Variants in RAB23 observed in about 807,000 individuals in gnomAD.
The protein encoded by RAB23 is ras-related protein Rab-23.
Under a neutral mutation model 30.0 loss-of-function variants are expected in RAB23, and 15 were observed. That is an observed-to-expected ratio of 0.50 (90% CI 0.33 to 0.77). The LOEUF (loss-of-function observed/expected upper bound fraction) is 0.77. RAB23 is among the 30% of genes least tolerant of loss of function. The probability of loss-of-function intolerance (pLI) is 0.02; values close to 1 mark genes in which losing one functional copy is unlikely to be tolerated. For missense variants in RAB23, 243 were observed against 275.4 expected (o/e 0.88, Z 0.83); for synonymous variants, 93 against 94.0 (o/e 0.99, Z 0.06).
chr6:57,199,759 G>A (rs530541693), intron 3 of RAB23, among the ~76,000 whole-genome samples: 1 of 152,130 alleles, frequency 6.6e-6, no homozygotes, highest in East Asian at 1.9e-4. Context: ...GCACCACCTT[G>A]TCTGATTTAA....
intron 1 of RAB23, among the ~76,000 whole-genome samples, chr6:57,221,122 A>G (rs939228217): frequency 1.3e-5 from 2 of 152,232 alleles, no homozygotes; most frequent in African/African-American, 2.4e-5. Flanking sequence ...GAGTTAACTC[A>G]CTAATCAAAA....
In RAB23 at chr6:57,189,724, T is replaced by C. The variant is rs894053143; in HGVS notation, c.*737A>G. 4 of 152,810 alleles carry C rather than the reference T, an allele frequency of 2.6e-5. No individual in the cohort carries two copies. The highest frequency in any genetic ancestry group is 2.1e-4 in the South Asian group (1 of 4,830). The allele number at this position is 152,810 out of a possible 1,614,324, so 9.5% of individuals were successfully genotyped here. A position where few individuals can be genotyped will look rare whatever the true frequency, so the allele number is the denominator to read the frequency against. On this transcript the variant is annotated 3_prime_UTR_variant, in exon 7 of 7. Transcript: ENST00000468148. ...TATAAATTCTGATAGTAAAGCACTA[T>C]AAAAATTAGGTATGATATTTTTGGC...
Position 57,221,835 on chromosome 6 carries a change from C to G in RAB23, c.-175G>C, listed in dbSNP as rs939684808. 2 of 152,506 alleles carry G rather than the reference C, an allele frequency of 1.3e-5. No homozygotes were observed. Among genetic ancestry groups the G allele is most frequent in the Non-Finnish European group, 2.9e-5 (2 of 68,278 alleles). The allele number at this position is 152,506 out of a possible 1,614,324, so 9.4% of individuals were successfully genotyped here. ...AGAGCCGGCGCTCGGCGGTCCGAAC[C>G]GGGGGATGGGGGAGCCGGGCCGGGA... On this transcript the variant is annotated 5_prime_UTR_variant, in exon 1 of 7. Transcript: ENST00000468148.
intron 1 of RAB23, among the ~76,000 whole-genome samples, chr6:57,214,992 G>C (rs960480773): frequency 9.2e-5 from 14 of 152,052 alleles, no homozygotes; most frequent in Non-Finnish European, 5.9e-5. Flanking sequence ...ATATAAAGAA[G>C]TACCAAATGG....
chr6:57,201,039 TCTC>T (rs576160153), intron 3 of RAB23, among the ~76,000 whole-genome samples: 46 of 151,802 alleles, frequency 3.0e-4, no homozygotes, highest in African/African-American at 8.5e-4. Context: ...CCTAGCCCCT[TCTC>T]CTCTGAAGCA....
chr6:57,207,970 A>G (rs1038959908), intron 2 of RAB23, among the ~76,000 whole-genome samples: 2 of 152,194 alleles, frequency 1.3e-5, no homozygotes, highest in African/African-American at 2.4e-5. Flanking sequence ...CTGAACTATT[A>G]TAAATCCTTA....
chr6:57,191,955 T>G (rs1764856913), intron 6 of RAB23, among the ~76,000 whole-genome samples: 1 of 152,108 alleles, frequency 6.6e-6, no homozygotes, highest in Non-Finnish European at 1.5e-5. Flanking sequence ...CCAGCAGTCC[T>G]GCCTCAGCCT....
chr6:57,221,546 G>C (rs1219039061), intron 1 of RAB23, 180 bp downstream of exon 1: 1 of 152,428 alleles, frequency 6.6e-6, no homozygotes, highest in Non-Finnish European at 1.5e-5. Context: ...GACTCTCTTC[G>C]CCATCAAACC....
rs1653008699 is a variant in RAB23, at chr6:57,189,003, G to A, written c.*1458C>T. 1 of 151,958 alleles carries A rather than the reference G, an allele frequency of 6.6e-6. No individual in the cohort carries two copies. The highest frequency in any genetic ancestry group is 2.4e-5 in the African/African-American group (1 of 41,344). 9.4% of individuals were successfully genotyped at this position (151,958 alleles called of 1,614,324 possible). On this transcript the variant is annotated 3_prime_UTR_variant, in exon 7 of 7. Coordinates refer to ENST00000468148, the MANE Select transcript of RAB23 (RefSeq NM_016277.5). The stretch of plus-strand genomic sequence containing the variant: ...GACTTCATGACATTTTCCAATAAAA[G>A]TTATTTTTACAGATTTTGCAATGCT...
chr6:57,216,873 C>G (rs1200065826), intron 1 of RAB23, among the ~76,000 whole-genome samples: 1 of 152,070 alleles, frequency 6.6e-6, no homozygotes, highest in Non-Finnish European at 1.5e-5. Context: ...ATGGCAGTAA[C>G]CTTTAGTATG....
intron 4 of RAB23, 50 bp downstream of exon 4, chr6:57,196,400 T>G: frequency 6.2e-7 from 1 of 1,607,418 alleles, no homozygotes; most frequent in Non-Finnish European, 8.5e-7. Flanking sequence ...TTAAGATGTC[T>G]TAACTTTATA....
intron 3 of RAB23, among the ~76,000 whole-genome samples, chr6:57,205,075 TATAC>T (rs1467843436): frequency 6.6e-6 from 1 of 150,916 alleles, no homozygotes; most frequent in African/African-American, 2.4e-5. Context: ...TATATATACA[TATAC>T]ATATATTTGC....
chr6:57,190,572 G>A lies in RAB23; in HGVS notation c.603C>T (p.His201=), dbSNP rs372315508. The A allele has an allele frequency of 6.0e-5, 97 of 1,613,882 alleles. No homozygotes were observed. The highest frequency in any genetic ancestry group is 8.2e-5 in the Non-Finnish European group (97 of 1,179,908). Residue 201 remains histidine (H), a synonymous_variant, in exon 7 of 7, where the codon CAC becomes CAT. Transcript: ENST00000468148. ...IGVFNTSGGS[H]SGQNSGTLNG... Reference sequence around the variant, plus strand: ...TGAGGGTACCTGAATTCTGACCGGAGTGACTTCCACCAGATGTATTAAAGA... The same window carrying A: ...TGAGGGTACCTGAATTCTGACCGGAATGACTTCCACCAGATGTATTAAAGA...
intron 3 of RAB23, among the ~76,000 whole-genome samples, chr6:57,198,069 C>G (rs1265561965): frequency 2.0e-5 from 3 of 152,000 alleles, no homozygotes; most frequent in Admixed American, 1.3e-4. Context: ...AGTGACTGTG[C>G]CTGGCCTAAA....
chr6:57,215,429 A>G lies in RAB23; in HGVS notation c.-65-4984T>C, dbSNP rs9475790. Among the ~76,000 whole-genome samples the G allele has an allele frequency of 5.1e-3, 778 of 152,370 alleles. 5 individuals carry two copies. The highest frequency in any genetic ancestry group is 0.018 in the African/African-American group (752 of 41,586). Reference sequence around the variant, plus strand: ...CAGCCAGAGAAAAAGGATGGGGAAAAGTAATTTGAACGACAGTGAATTTCT... The same window carrying G: ...CAGCCAGAGAAAAAGGATGGGGAAAGGTAATTTGAACGACAGTGAATTTCT... On this transcript the variant is annotated intron_variant, in intron 1 of 6. Transcript: ENST00000468148.
In RAB23 at chr6:57,189,893, C is replaced by A. The variant is rs1404712633; in HGVS notation, c.*568G>T. The A allele has an allele frequency of 6.3e-6, 1 of 157,850 alleles. No homozygotes were observed. 9.8% of individuals were successfully genotyped at this position (157,850 alleles called of 1,614,324 possible). ...TACATTTTCTTAAATACTGCACATA[C>A]CTTCAGCTTACTCCAGTACCAGACA... is the stretch of plus-strand genomic sequence containing the variant. On this transcript the variant is annotated 3_prime_UTR_variant, in exon 7 of 7. Transcript: ENST00000468148.
At position 57,187,278 on chromosome 6, in the gene RAB23, T is replaced by C. The variant is rs1161792924; in HGVS notation, c.*3183A>G. The C allele has an allele frequency of 1.3e-5, 2 of 152,306 alleles. No individual in the cohort carries two copies. The highest frequency in any genetic ancestry group is 2.9e-5 in the Non-Finnish European group (2 of 68,016). The allele number at this position is 152,306 out of a possible 1,614,324, so 9.4% of individuals were successfully genotyped here. A position where few individuals can be genotyped will look rare whatever the true frequency, so the allele number is the denominator to read the frequency against. ...ATGAAAATAATAATAATAAAGATTA[T>C]TATAGCCAAATCATCCAGTTAGCCA... On this transcript the variant is annotated 3_prime_UTR_variant, in exon 7 of 7. Transcript: ENST00000468148.
intron 6 of RAB23, among the ~76,000 whole-genome samples, chr6:57,193,479 T>C (rs1038229177): frequency 1.3e-5 from 2 of 151,878 alleles, no homozygotes; most frequent in Admixed American, 1.3e-4. Context: ...GCATTTAACA[T>C]AAGAAAAAGC....
intron 3 of RAB23, among the ~76,000 whole-genome samples, chr6:57,197,669 A>G (rs1765073634): frequency 6.6e-6 from 1 of 152,210 alleles, no homozygotes; most frequent in African/African-American, 2.4e-5. Context: ...GAAAGAAAAC[A>G]GCAGTTTGCT....
Sources: gnomAD v4.1 joint callset for allele counts (sites outside exome capture counted in the v4.1 genomes callset) on GRCh38, gnomAD v4.1.1 for gene constraint, MANE v1.5 for transcripts, NCBI Gene and HGNC (gene_info 2026-07-23, HGNC 2026-07-21) for gene names.